Variants in PDE4D observed in about 807,000 individuals in gnomAD.
The protein encoded by PDE4D is phosphodiesterase 4D, also known as 3',5'-cyclic-AMP phosphodiesterase 4D.
A neutral mutation model predicts 87.4 loss-of-function variants in PDE4D; 24 were observed. The observed-to-expected ratio is 0.27, with a 90% CI of 0.20 to 0.39. The LOEUF (loss-of-function observed/expected upper bound fraction) is 0.39. Ranked by LOEUF, PDE4D falls within the 10% of genes least tolerant of loss-of-function variation. The probability of loss-of-function intolerance (pLI) is 1.00; values close to 1 mark genes in which losing one functional copy is unlikely to be tolerated. For missense variants in PDE4D, 714 were observed against 1,041.0 expected, an observed-to-expected ratio of 0.69 and a Z score of 4.32; for synonymous variants, 384 against 383.2, an observed-to-expected ratio of 1.00 and a Z score of -0.02.
At chr5:60,416,273 G>T (rs1362911117) in intron 1 of PDE4D, among the ~76,000 whole-genome samples, 1 of 152,198 alleles carries the variant, frequency 6.6e-6, no homozygotes, top group African/African-American at 2.4e-5. Context: ...TGTGGGTGGG[G>T]CCAGATAAGA....
chr5:59,784,008 G>T (rs1445777816), intron 1 of PDE4D, among the ~76,000 whole-genome samples: 1 of 152,068 alleles, frequency 6.6e-6, no homozygotes, highest in East Asian at 1.9e-4. Flanking sequence ...CAGTGAGTTG[G>T]TAATTGGGCC....
At chr5:59,963,091 A>C (rs565782475) in intron 3 of PDE4D, among the ~76,000 whole-genome samples, 23 of 152,274 alleles carry the variant, frequency 1.5e-4, no homozygotes, top group African/African-American at 4.3e-4. Context: ...TGACAGAGCA[A>C]AAGCATCTAG....
intron 3 of PDE4D, among the ~76,000 whole-genome samples, chr5:59,913,726 T>A (rs1418793511): frequency 6.6e-6 from 1 of 152,100 alleles, no homozygotes; most frequent in Non-Finnish European, 1.5e-5. Context: ...TTAATGCAAA[T>A]CAACTGTGAA....
rs367743687 is a variant in PDE4D, at chr5:59,064,779, GATTT to G, written c.809-25812_809-25809del. Among the ~76,000 whole-genome samples, 51 of 152,088 alleles carry G rather than the reference GATTT, an allele frequency of 3.4e-4. No individual in the cohort carries two copies. The East Asian group carries it at 8.9e-3, about 26-fold the overall frequency. On this transcript the variant is annotated intron_variant, in intron 5 of 14. Transcript: ENST00000340635. ...AGTAATAATCCCCTCTCCAACTTTA[GATTT>G]ATTTTTAAGCTCTAGCTTTTTTCCC...
chr5:59,938,088 C>T (rs190455330), intron 3 of PDE4D, among the ~76,000 whole-genome samples: 6 of 152,328 alleles, frequency 3.9e-5, no homozygotes, highest in African/African-American at 1.4e-4. Context: ...ACCAGTACAA[C>T]TAACAAATGT....
chr5:59,782,446 A>G (rs1764730369), intron 1 of PDE4D, among the ~76,000 whole-genome samples: 2 of 152,176 alleles, frequency 1.3e-5, no homozygotes, highest in Non-Finnish European at 2.9e-5. Flanking sequence ...TGACATGGAG[A>G]GATTACATGA....
intron 5 of PDE4D, among the ~76,000 whole-genome samples, chr5:59,150,440 A>C (rs1461237454): frequency 6.6e-6 from 1 of 152,144 alleles, no homozygotes; most frequent in Admixed American, 6.5e-5. Context: ...CTTCATATAA[A>C]ATGCTTCAGT....
chr5:59,512,297 C>T (rs916086309), intron 1 of PDE4D, among the ~76,000 whole-genome samples: 2 of 152,114 alleles, frequency 1.3e-5, no homozygotes, highest in African/African-American at 4.8e-5. Context: ...GATATTTTCT[C>T]TGTTTCCATT....
chr5:59,090,353 G>C (rs779565894), intron 5 of PDE4D, among the ~76,000 whole-genome samples: 2 of 152,074 alleles, frequency 1.3e-5, no homozygotes, highest in African/African-American at 2.4e-5. Flanking sequence ...AATACAACCT[G>C]AATTCTGTTC....
At chr5:59,716,036 C>A (rs1424968702) in intron 1 of PDE4D, among the ~76,000 whole-genome samples, 2 of 152,158 alleles carry the variant, frequency 1.3e-5, no homozygotes, top group Non-Finnish European at 2.9e-5. Context: ...GTGTCTTAGA[C>A]CTGTGTGTCC....
chr5:59,859,957 A>T (rs925141562), intron 1 of PDE4D, among the ~76,000 whole-genome samples: 7 of 152,188 alleles, frequency 4.6e-5, no homozygotes, highest in Non-Finnish European at 8.8e-5. Context: ...AGGCCCACAG[A>T]CTCTTAAACA....
At chr5:59,266,928 T>C (rs1581682561) in intron 1 of PDE4D, among the ~76,000 whole-genome samples, 1 of 152,078 alleles carries the variant, frequency 6.6e-6, no homozygotes, top group African/African-American at 2.4e-5. Flanking sequence ...TGTAATTTTA[T>C]AAGCTGTGCG....
At chr5:60,196,760 A>C (rs935847306) in intron 1 of PDE4D, among the ~76,000 whole-genome samples, 2 of 151,664 alleles carry the variant, frequency 1.3e-5, no homozygotes, top group Admixed American at 6.6e-5. Flanking sequence ...CTACAAAGAA[A>C]AGTGGAGTTC....
chr5:59,168,529 T>C (rs1327224716), intron 5 of PDE4D, among the ~76,000 whole-genome samples: 1 of 152,206 alleles, frequency 6.6e-6, no homozygotes, highest in Admixed American at 6.5e-5. Flanking sequence ...CCTTAGCTTA[T>C]ATAACTATAG....
intron 1 of PDE4D, among the ~76,000 whole-genome samples, chr5:59,519,040 T>G (rs1372378202): frequency 6.6e-6 from 1 of 152,186 alleles, no homozygotes; most frequent in African/African-American, 2.4e-5. Context: ...AACATGAGAC[T>G]TTCTGCTGTC....
At chr5:60,118,714 A>C (rs57657786) in intron 2 of PDE4D, among the ~76,000 whole-genome samples, 185 of 152,132 alleles carry the variant, frequency 1.2e-3, no homozygotes, top group African/African-American at 4.3e-3. Context: ...TTTGCCTGAC[A>C]CTTACATCAA....
chr5:59,973,063 T>C (rs1760947863), intron 3 of PDE4D, among the ~76,000 whole-genome samples: 1 of 152,096 alleles, frequency 6.6e-6, no homozygotes, highest in Non-Finnish European at 1.5e-5. Context: ...AAACTTCCTA[T>C]TGGATTGCCT....
intron 1 of PDE4D, among the ~76,000 whole-genome samples, chr5:59,852,788 T>C (rs1383237596): frequency 6.6e-6 from 1 of 151,544 alleles, no homozygotes; most frequent in African/African-American, 2.4e-5. Flanking sequence ...CAGGTTATAG[T>C]GGACAATCAG....
In PDE4D at chr5:60,234,727, G is replaced by A. The variant is rs144540678; in HGVS notation, c.-89-49040C>T. Among the ~76,000 whole-genome samples the A allele has an allele frequency of 1.9e-3, 287 of 151,938 alleles. 1 individual carries two copies. Among genetic ancestry groups the A allele is most frequent in the African/African-American group, 6.7e-3 (277 of 41,524 alleles). Reference sequence around the variant, plus strand: ...TAGTAATTCAATCTGTTTACTTGTTGTAGGTCTATTTGGAATTTCTACTTC... The same window carrying A: ...TAGTAATTCAATCTGTTTACTTGTTATAGGTCTATTTGGAATTTCTACTTC... On this transcript the variant is annotated intron_variant, in intron 1 of 16. Coordinates refer to the PDE4D transcript ENST00000502484.
Sources: gnomAD v4.1 joint callset for allele counts (sites outside exome capture counted in the v4.1 genomes callset) on GRCh38, gnomAD v4.1.1 for gene constraint, MANE v1.5 for transcripts, NCBI Gene and HGNC (gene_info 2026-07-23, HGNC 2026-07-21) for gene names.